Variants in ARHGAP26 observed in about 807,000 individuals in gnomAD.
The protein encoded by ARHGAP26 is rho GTPase-activating protein 26.
In ARHGAP26, 38 loss-of-function variants were observed where a neutral mutation model predicts 104.8. That is an observed-to-expected ratio of 0.36 (90% confidence interval 0.28 to 0.48). The LOEUF is 0.48. ARHGAP26 is among the 20% of genes least tolerant of loss of function. ARHGAP26 has a pLI of 0.99. For synonymous variants in ARHGAP26, 341 were observed against 340.0 expected, an observed-to-expected ratio of 1.00 and a Z score of -0.03; for missense variants, 704 against 947.9, an observed-to-expected ratio of 0.74 and a Z score of 3.38.
intron 11 of ARHGAP26, among the ~76,000 whole-genome samples, chr5:142,981,306 C>G (rs1773908173): frequency 6.6e-6 from 1 of 152,222 alleles, no homozygotes; most frequent in Non-Finnish European, 1.5e-5. Context: ...CAGTGTCTAT[C>G]TCACCAGTGT....
chr5:142,977,371 T>C (rs1470027074), intron 11 of ARHGAP26, among the ~76,000 whole-genome samples: 1 of 152,128 alleles, frequency 6.6e-6, no homozygotes, highest in African/African-American at 2.4e-5. Flanking sequence ...CAAACAGATA[T>C]TCCACATTCT....
intron 6 of ARHGAP26, among the ~76,000 whole-genome samples, chr5:142,896,124 C>A (rs1422193507): frequency 2.0e-5 from 3 of 152,216 alleles, no homozygotes; most frequent in Non-Finnish European, 4.4e-5. Flanking sequence ...AAAGCACAAA[C>A]TGGCCTTTCA....
chr5:142,813,385 G>A (rs977884285), intron 1 of ARHGAP26, among the ~76,000 whole-genome samples: 2 of 152,152 alleles, frequency 1.3e-5, no homozygotes, highest in African/African-American at 4.8e-5. Context: ...TTTTGTGCTC[G>A]GCCGTGCCAC....
intron 19 of ARHGAP26, among the ~76,000 whole-genome samples, chr5:143,139,643 G>A (rs1009845608): frequency 2.0e-5 from 3 of 152,192 alleles, no homozygotes; most frequent in African/African-American, 7.2e-5. Context: ...CACAGAGAGC[G>A]ATATGTGTTG....
intron 17 of ARHGAP26, among the ~76,000 whole-genome samples, chr5:143,118,952 AAAAAG>A (rs1795814065): frequency 1.3e-5 from 2 of 151,916 alleles, no homozygotes; most frequent in South Asian, 2.1e-4. Flanking sequence ...ATAAAAAAAA[AAAAAG>A]AAAGAAGAAA....
chr5:142,883,635 C>T (rs986606662), intron 4 of ARHGAP26, among the ~76,000 whole-genome samples: 2 of 152,218 alleles, frequency 1.3e-5, no homozygotes, highest in African/African-American at 4.8e-5. Context: ...CTCCGAGTGT[C>T]CTGCCCCAGG....
intron 20 of ARHGAP26, among the ~76,000 whole-genome samples, chr5:143,184,833 G>T (rs146701290): frequency 6.6e-6 from 1 of 152,164 alleles, no homozygotes; most frequent in African/African-American, 2.4e-5. Context: ...GGGAAGGAAC[G>T]TGTGTGAGGC....
At chr5:143,111,572 G>A (rs4912895) in intron 17 of ARHGAP26, among the ~76,000 whole-genome samples, 118,220 of 152,142 alleles carry the variant, frequency 0.78, 49,162 homozygotes, top group Non-Finnish European at 0.92. Flanking sequence ...TGCTGTTACT[G>A]TTGATGGAAA....
At chr5:143,153,089 G>A (rs182681390) in intron 20 of ARHGAP26, among the ~76,000 whole-genome samples, 1 of 152,202 alleles carries the variant, frequency 6.6e-6, no homozygotes, top group Non-Finnish European at 1.5e-5. Context: ...AGGTATGGAA[G>A]AGTCTCACTA....
chr5:142,989,120 G>A (rs777097836), intron 11 of ARHGAP26, among the ~76,000 whole-genome samples: 78 of 152,272 alleles, frequency 5.1e-4, no homozygotes, highest in South Asian at 2.5e-3. Context: ...TATTGTGTGG[G>A]AGTGTAAGTC....
At chr5:143,162,681 A>G (rs1262215406) in intron 20 of ARHGAP26, among the ~76,000 whole-genome samples, 1 of 152,158 alleles carries the variant, frequency 6.6e-6, no homozygotes, top group Non-Finnish European at 1.5e-5. Flanking sequence ...ATTTTCATCT[A>G]ATGTTTCCCT....
In ARHGAP26 at chr5:143,227,713, T is replaced by C. The variant is rs1811776731; in HGVS notation, c.*5267T>C. ...AGAGCCAGTCCTTGCTGAAATGTGGTCTTCCAGTGGAAGCACCTGTATTAT... is the reference window on the plus strand; with the variant it reads ...AGAGCCAGTCCTTGCTGAAATGTGGCCTTCCAGTGGAAGCACCTGTATTAT... On this transcript the variant is annotated 3_prime_UTR_variant, in exon 23 of 23. Transcript: ENST00000645722. 4.4e-6 allele frequency: 1 copy of C among 228,562 alleles called. No homozygotes were observed. Among genetic ancestry groups the C allele is most frequent in the Admixed American group, 5.7e-5 (1 of 17,616 alleles). 14.2% of individuals were successfully genotyped at this position (228,562 alleles called of 1,614,324 possible).
At chr5:143,090,217 C>G (rs1294104335) in intron 17 of ARHGAP26, among the ~76,000 whole-genome samples, 2 of 152,226 alleles carry the variant, frequency 1.3e-5, no homozygotes, top group Non-Finnish European at 2.9e-5. Flanking sequence ...TTACTCCAGG[C>G]TGTAGAATCC....
intron 20 of ARHGAP26, among the ~76,000 whole-genome samples, chr5:143,197,666 A>T (rs781190729): frequency 6.6e-6 from 1 of 152,032 alleles, no homozygotes; most frequent in Non-Finnish European, 1.5e-5. Flanking sequence ...ATTGTTTTTG[A>T]TATGCCCTCT....
At chr5:143,214,315 G>C (rs1229480309) in intron 22 of ARHGAP26, among the ~76,000 whole-genome samples, 3 of 152,212 alleles carry the variant, frequency 2.0e-5, no homozygotes, top group Non-Finnish European at 4.4e-5. Flanking sequence ...AGTGTAATCA[G>C]CTCCATGTTG....
chr5:142,832,203 G>A (rs1768583930), intron 1 of ARHGAP26, among the ~76,000 whole-genome samples: 1 of 152,164 alleles, frequency 6.6e-6, no homozygotes, highest in Non-Finnish European at 1.5e-5. Context: ...TAAATGCTAT[G>A]GACTGAATTG....
chr5:142,927,049 A>G (rs571931905), intron 10 of ARHGAP26, among the ~76,000 whole-genome samples: 4 of 152,272 alleles, frequency 2.6e-5, no homozygotes, highest in Non-Finnish European at 5.9e-5. Context: ...GTAGCACAGA[A>G]TAGTTCAGTT....
At chr5:143,126,391 T>C (rs1009812655) in intron 18 of ARHGAP26, among the ~76,000 whole-genome samples, 1 of 152,224 alleles carries the variant, frequency 6.6e-6, no homozygotes, top group Non-Finnish European at 1.5e-5. Flanking sequence ...GGTTTTGAAC[T>C]GACTTCTGAA....
At chr5:142,963,181 T>TATACATAC (rs1371763366) in intron 11 of ARHGAP26, among the ~76,000 whole-genome samples, 1 of 111,568 alleles carries the variant, frequency 9.0e-6, no homozygotes, top group African/African-American at 5.1e-5. Context: ...TGTATATATA[T>TATACATAC]ATATATATAT....
Sources: gnomAD v4.1 joint callset for allele counts (sites outside exome capture counted in the v4.1 genomes callset) on GRCh38, gnomAD v4.1.1 for gene constraint, MANE v1.5 for transcripts, NCBI Gene and HGNC (gene_info 2026-07-23, HGNC 2026-07-21) for gene names.